MICAL3: variants seen among roughly 807,000 people sequenced by gnomAD.
MICAL3 encodes the protein microtubule associated monooxygenase, calponin and LIM domain containing 3.
MICAL3 carries 62 observed loss-of-function variants against 207.4 expected under a neutral mutation model. The observed-to-expected ratio is 0.30, with a 90% CI of 0.24 to 0.37. The LOEUF (loss-of-function observed/expected upper bound fraction) is 0.37. MICAL3 is among the 10% of genes least tolerant of loss of function. The pLI is 1.00. For missense variants in MICAL3, 2,368 were observed against 2,635.6 expected (o/e 0.90, Z 2.22); for synonymous variants, 1,077 against 1,069.3 (o/e 1.01, Z -0.14).
Position 17,817,598 on chromosome 22 carries a change from G to A in MICAL3, c.5063C>T (p.Ser1688Leu). Residue 1688 changes from serine to leucine, a missense_variant, in exon 26 of 32, where the codon TCA (serine) becomes TTA (leucine). Physicochemically the swap from Ser to Leu is moderately radical, Grantham distance 145 (BLOSUM62 -2). Coordinates refer to ENST00000441493, the MANE Select transcript of MICAL3 (RefSeq NM_015241.3). ...GCTCTTCCCACTGGAGCCCTCGGAT[G>A]AAGTGAAAGAGCCATCTGGGCCCCC... Reference protein sequence around the residue: ...DSGGPDGSFTSSEGSSGKSKK... With the variant: ...DSGGPDGSFTLSEGSSGKSKK... 1 of 1,613,294 alleles carries A rather than the reference G, an allele frequency of 6.2e-7. No individual in the cohort carries two copies. Among genetic ancestry groups the A allele is most frequent in the South Asian group, 1.1e-5 (1 of 91,062 alleles).
intron 16 of MICAL3, chr22:17,879,479 C>T (rs1929215600): frequency 7.9e-7 from 1 of 1,265,450 alleles, no homozygotes; most frequent in African/African-American, 1.5e-5. Flanking sequence ...GTGGGAAATT[C>T]AGGGGCAGAA....
intron 19 of MICAL3, among the ~76,000 whole-genome samples, chr22:17,854,145 G>A (rs1446260632): frequency 2.0e-5 from 3 of 152,168 alleles, no homozygotes; most frequent in East Asian, 1.9e-4. Flanking sequence ...GTCTAGATCC[G>A]TGATTCTCAA....
At chr22:18,015,202 T>A (rs562943824) in intron 1 of MICAL3, among the ~76,000 whole-genome samples, 1 of 152,124 alleles carries the variant, frequency 6.6e-6, no homozygotes, top group Non-Finnish European at 1.5e-5. Context: ...CCCACACAGC[T>A]TGGATTTATT....
intron 20 of MICAL3, among the ~76,000 whole-genome samples, chr22:17,832,452 C>G (rs1415487282): frequency 1.3e-5 from 2 of 152,176 alleles, no homozygotes; most frequent in Non-Finnish European, 2.9e-5. Flanking sequence ...ACTGGGAGAG[C>G]AGCTCCTCAC....
At chr22:17,991,509 ACCTTAAAG>A (rs1255679273) in intron 1 of MICAL3, among the ~76,000 whole-genome samples, 1 of 152,180 alleles carries the variant, frequency 6.6e-6, no homozygotes, top group Non-Finnish European at 1.5e-5. Flanking sequence ...GGTAAGAGAC[ACCTTAAAG>A]CCATGAACCC....
intron 1 of MICAL3, among the ~76,000 whole-genome samples, chr22:17,992,499 C>T (rs436909): frequency 0.23 from 35,463 of 152,098 alleles, 4,773 homozygotes; most frequent in East Asian, 0.51. Context: ...GAAATATCAA[C>T]CTCTTGCAGA....
At chr22:17,806,634 CT>C (rs1395253454) in intron 29 of MICAL3, among the ~76,000 whole-genome samples, 1 of 152,210 alleles carries the variant, frequency 6.6e-6, no homozygotes, top group African/African-American at 2.4e-5. Context: ...GATGCCGGGG[CT>C]TGGTCATGTC....
intron 16 of MICAL3, chr22:17,881,259 G>A: frequency 6.2e-7 from 1 of 1,611,868 alleles, no homozygotes. Context: ...GAGACAGGGT[G>A]ATCACTTTTT....
At chr22:17,905,299 C>CA (rs1931633397) in intron 2 of MICAL3, among the ~76,000 whole-genome samples, 1 of 152,132 alleles carries the variant, frequency 6.6e-6, no homozygotes, top group Non-Finnish European at 1.5e-5. Context: ...GTCTACCACA[C>CA]ACATGATTCC....
intron 1 of MICAL3, among the ~76,000 whole-genome samples, chr22:17,929,476 A>G (rs1410526695): frequency 1.3e-5 from 2 of 152,032 alleles, no homozygotes; most frequent in South Asian, 4.2e-4. Context: ...AAGACCGATA[A>G]GTAACAACAT....
Position 17,822,106 on chromosome 22 carries a change from C to G in MICAL3, c.3372G>C (p.Glu1124Asp). Residue 1124 changes from glutamate to aspartate, a missense_variant, in exon 24 of 32, where the codon GAG becomes GAC. By Grantham distance (45) the Glu-to-Asp change is conservative. Coordinates refer to ENST00000441493, the MANE Select transcript of MICAL3 (RefSeq NM_015241.3). The part of the protein sequence containing the change: ...DRELRLPCPA[E>D]GEAELELRVS... ...CCCTCAGCTCCAGCTCTGCTTCCCC[C>G]TCAGCTGGGCACGGCAAACGCAGCT... 6.2e-7 allele frequency: 1 copy of G among 1,613,962 alleles called. No individual in the cohort carries two copies. The highest frequency in any genetic ancestry group is 8.5e-7 in the Non-Finnish European group (1 of 1,179,910).
At chr22:18,019,853 C>T (rs1472894880) in intron 1 of MICAL3, 3 of 126,338 alleles carry the variant, frequency 2.4e-5, no homozygotes, top group African/African-American at 1.0e-4. Context: ...TTGCTGTCGC[C>T]CAGGCTGGAG....
chr22:17,843,363 C>T (rs568609328), intron 19 of MICAL3, among the ~76,000 whole-genome samples: 50 of 152,262 alleles, frequency 3.3e-4, no homozygotes, highest in African/African-American at 9.1e-4. Context: ...TCAGAGGAGG[C>T]TGTCATGAGT....
chr22:17,817,214 G>A, intron 26 of MICAL3, 97 bp downstream of exon 26: 1 of 1,401,760 alleles, frequency 7.1e-7, no homozygotes, highest in East Asian at 2.5e-5. Flanking sequence ...ACCCTCGGCG[G>A]GGAGCGTGTG....
intron 1 of MICAL3, among the ~76,000 whole-genome samples, chr22:17,912,031 G>GT (rs1932177299): frequency 6.6e-6 from 1 of 152,032 alleles, no homozygotes; most frequent in Non-Finnish European, 1.5e-5. Flanking sequence ...TAATTTGACC[G>GT]TAAGTGAGGT....
At chr22:17,926,679 G>A (rs1233452671) in intron 1 of MICAL3, among the ~76,000 whole-genome samples, 1 of 152,162 alleles carries the variant, frequency 6.6e-6, no homozygotes, top group Non-Finnish European at 1.5e-5. Context: ...CCTCCACACC[G>A]CTCCTACTTC....
At chr22:17,984,483 A>C (rs1358599636) in intron 1 of MICAL3, among the ~76,000 whole-genome samples, 2 of 152,132 alleles carry the variant, frequency 1.3e-5, no homozygotes, top group African/African-American at 4.8e-5. Flanking sequence ...GGCCTGTGCC[A>C]CCCACAGCAT....
At chr22:17,995,740 C>T (rs990976038) in intron 1 of MICAL3, among the ~76,000 whole-genome samples, 7 of 151,934 alleles carry the variant, frequency 4.6e-5, no homozygotes, top group African/African-American at 7.3e-5. Flanking sequence ...AACTCCTCAC[C>T]TCAGGTGATC....
chr22:17,829,428 C>T (rs985651055), intron 21 of MICAL3, among the ~76,000 whole-genome samples: 7 of 152,216 alleles, frequency 4.6e-5, no homozygotes, highest in Non-Finnish European at 8.8e-5. Context: ...CTCGGCCTCC[C>T]AAAGTGCTGG....
Sources: gnomAD v4.1 joint callset for allele counts (sites outside exome capture counted in the v4.1 genomes callset) on GRCh38, gnomAD v4.1.1 for gene constraint, MANE v1.5 for transcripts, NCBI Gene and HGNC (gene_info 2026-07-23, HGNC 2026-07-21) for gene names.